Variants in DTD1 observed in about 807,000 individuals in gnomAD.
DTD1 encodes the protein D-tyrosyl-tRNA deacylase 1 homolog.
Under a neutral mutation model 25.6 loss-of-function variants are expected in DTD1, and 13 were observed. That is an observed-to-expected ratio of 0.51 (90% CI 0.33 to 0.81). The LOEUF (loss-of-function observed/expected upper bound fraction) is 0.81. Among genes scored for constraint, DTD1 ranks in the 30% least tolerant of loss-of-function variants. The pLI is 0.02. For missense variants in DTD1, 193 were observed against 266.4 expected (o/e 0.72, Z 1.92); for synonymous variants, 110 against 103.6 (o/e 1.06, Z -0.37).
chr20:18,632,379 A>C (rs2060792067), intron 4 of DTD1: 1 of 985,402 alleles, frequency 1.0e-6, no homozygotes, highest in Admixed American at 6.1e-5. Context: ...CTCTGCCCCT[A>C]GCTCTCCAGT....
Position 18,744,218 on chromosome 20 carries a change from C to T in DTD1, c.596C>T (p.Ala199Val). 1 of 1,612,252 alleles carries T rather than the reference C, an allele frequency of 6.2e-7. No homozygotes were observed. The highest frequency in any genetic ancestry group is 1.1e-5 in the South Asian group (1 of 91,006). Reference protein sequence around the residue: ...RKEDRSASSGAEGDVSSEREP With the variant: ...RKEDRSASSGVEGDVSSEREP The stretch of plus-strand genomic sequence containing the variant: ...GAAGACCGCAGTGCCAGCAGCGGGG[C>T]TGAGGGCGACGTGTCCTCTGAACGG... The change falls in exon 5 of 6, where the codon GCT becomes GTT. Residue 199 changes from alanine (A) to valine (V), a missense_variant. By Grantham distance (64) the Ala-to-Val change is moderately conservative. Transcript: ENST00000377452.
intron 4 of DTD1, among the ~76,000 whole-genome samples, chr20:18,702,744 CAA>C (rs10583250): frequency 0.019 from 2,372 of 123,006 alleles, 28 homozygotes; most frequent in African/African-American, 0.037. Context: ...TGGAATGAGG[CAA>C]AAAAAAAAAA....
intron 4 of DTD1, among the ~76,000 whole-genome samples, chr20:18,717,308 A>G (rs2061185077): frequency 6.6e-6 from 1 of 152,230 alleles, no homozygotes; most frequent in Non-Finnish European, 1.5e-5. Flanking sequence ...TACAGTATGT[A>G]CCACAGTTAG....
chr20:18,732,371 G>A (rs1264299461), intron 4 of DTD1, among the ~76,000 whole-genome samples: 2 of 152,142 alleles, frequency 1.3e-5, no homozygotes, highest in Admixed American at 6.5e-5. Flanking sequence ...GACATGTGCC[G>A]ACAGGGTAAT....
In DTD1 at chr20:18,615,725, C is replaced by T. The variant is rs114287957; in HGVS notation, c.371-12402C>T. Among the ~76,000 whole-genome samples the T allele has an allele frequency of 7.7e-4, 117 of 152,284 alleles. 2 individuals carry two copies. The highest frequency in any genetic ancestry group is 2.7e-3 in the African/African-American group (112 of 41,554). The stretch of plus-strand genomic sequence containing the variant: ...GCTGCTACAGTATTCAAAAGGATTA[C>T]CTGTATATTCTCTGCTGGGTCTGAT... On this transcript the variant is annotated intron_variant, in intron 3 of 5. Transcript: ENST00000377452.
intron 4 of DTD1, among the ~76,000 whole-genome samples, chr20:18,646,694 G>T (rs2060851694): frequency 6.6e-6 from 1 of 152,182 alleles, no homozygotes; most frequent in South Asian, 2.1e-4. Context: ...CTGTGGTGTT[G>T]ACAGTTGGCC....
intron 4 of DTD1, among the ~76,000 whole-genome samples, chr20:18,670,933 C>G (rs1212699166): frequency 6.6e-6 from 1 of 152,170 alleles, no homozygotes; most frequent in Non-Finnish European, 1.5e-5. Context: ...TAGTGTTTGT[C>G]CCATGGACCC....
chr20:18,759,345 A>G (rs2061351973), intron 5 of DTD1, among the ~76,000 whole-genome samples: 1 of 152,134 alleles, frequency 6.6e-6, no homozygotes, highest in East Asian at 1.9e-4. Flanking sequence ...TGGTCTTTAC[A>G]ATTTGGCATG....
At chr20:18,717,490 A>T (rs1206539702) in intron 4 of DTD1, among the ~76,000 whole-genome samples, 2 of 152,224 alleles carry the variant, frequency 1.3e-5, no homozygotes, top group African/African-American at 4.8e-5. Flanking sequence ...ACTAGTATCT[A>T]TGTATAGTTT....
At chr20:18,729,002 G>A (rs2061231561) in intron 4 of DTD1, among the ~76,000 whole-genome samples, 1 of 152,216 alleles carries the variant, frequency 6.6e-6, no homozygotes, top group South Asian at 2.1e-4. Flanking sequence ...TACGGCCGAT[G>A]CTTGCTTGCT....
intron 4 of DTD1, among the ~76,000 whole-genome samples, chr20:18,649,571 T>C (rs6081277): frequency 0.027 from 4,075 of 152,056 alleles, 73 homozygotes; most frequent in Non-Finnish European, 0.038. Flanking sequence ...TCTCCTGACC[T>C]CGTGATCCGC....
intron 3 of DTD1, among the ~76,000 whole-genome samples, chr20:18,609,174 T>C (rs1284619185): frequency 6.6e-6 from 1 of 151,824 alleles, no homozygotes; most frequent in African/African-American, 2.4e-5. Context: ...AGGGTCTCAC[T>C]CTGTCACCCA....
chr20:18,670,330 C>A (rs2060947534), intron 4 of DTD1, among the ~76,000 whole-genome samples: 1 of 152,152 alleles, frequency 6.6e-6, no homozygotes, highest in Non-Finnish European at 1.5e-5. Flanking sequence ...GTAGTGCACG[C>A]CTGTAATCCC....
intron 4 of DTD1, among the ~76,000 whole-genome samples, chr20:18,737,840 C>G (rs750800720): frequency 6.6e-6 from 1 of 152,246 alleles, no homozygotes; most frequent in African/African-American, 2.4e-5. Context: ...CACCAAGGAG[C>G]TGGACCAAGG....
chr20:18,619,351 C>T (rs2060723775), intron 3 of DTD1, among the ~76,000 whole-genome samples: 1 of 152,170 alleles, frequency 6.6e-6, no homozygotes, highest in Non-Finnish European at 1.5e-5. Flanking sequence ...ATCAAGTTTT[C>T]TATGACTCAT....
intron 5 of DTD1, among the ~76,000 whole-genome samples, chr20:18,752,573 T>C (rs6112089): frequency 0.59 from 89,538 of 151,918 alleles, 26,896 homozygotes; most frequent in Non-Finnish European, 0.63. Flanking sequence ...TTACATTACC[T>C]ATCTGTTCTT....
At chr20:18,606,929 A>AT (rs1011718193) in intron 3 of DTD1, among the ~76,000 whole-genome samples, 28 of 129,686 alleles carry the variant, frequency 2.2e-4, no homozygotes, top group African/African-American at 4.6e-4. Flanking sequence ...AAGTATAATA[A>AT]AAAAAAAAAA....
At chr20:18,615,658 C>T (rs936909691) in intron 3 of DTD1, among the ~76,000 whole-genome samples, 2 of 152,198 alleles carry the variant, frequency 1.3e-5, no homozygotes, top group Admixed American at 1.3e-4. Context: ...GTAATGGGCT[C>T]AGGGAAACAT....
rs2061372380 is a variant in DTD1 at position 18,763,912 on chromosome 20, A to G, written c.*572A>G. Reference sequence around the variant, plus strand: ...ATCTCAACAAACCACTTTATTATCAAACAAATTCTGCTCTGTTTCTGCATA... The same window carrying G: ...ATCTCAACAAACCACTTTATTATCAGACAAATTCTGCTCTGTTTCTGCATA... On this transcript the variant is annotated 3_prime_UTR_variant, in exon 6 of 6. Transcript: ENST00000377452. 6.6e-6 allele frequency: 1 copy of G among 152,264 alleles called. No individual in the cohort carries two copies. Among genetic ancestry groups the G allele is most frequent in the Admixed American group, 6.5e-5 (1 of 15,284 alleles). 9.4% of individuals were successfully genotyped at this position (152,264 alleles called of 1,614,324 possible).
Sources: gnomAD v4.1 joint callset for allele counts (sites outside exome capture counted in the v4.1 genomes callset) on GRCh38, gnomAD v4.1.1 for gene constraint, MANE v1.5 for transcripts, NCBI Gene and HGNC (gene_info 2026-07-23, HGNC 2026-07-21) for gene names.